ULK4: variants seen among roughly 807,000 people sequenced by gnomAD.
ULK4 encodes inactive serine/threonine-protein kinase ULK4.
A neutral mutation model predicts 160.6 loss-of-function variants in ULK4; 133 were observed. The observed-to-expected ratio is 0.83, with a 90% CI of 0.72 to 0.96. The LOEUF (loss-of-function observed/expected upper bound fraction) is 0.96, where lower values mean the gene tolerates loss of function less well. ULK4 is among the 40% of genes least tolerant of loss of function. ULK4 has a pLI of 0.00. For missense variants in ULK4, 1,580 were observed against 1,499.5 expected, an observed-to-expected ratio of 1.05 and a Z score of -0.89; for synonymous variants, 534 against 539.8, an observed-to-expected ratio of 0.99 and a Z score of 0.15.
chr3:41,672,985 A>G (rs1465407646), intron 29 of ULK4, among the ~76,000 whole-genome samples: 1 of 152,012 alleles, frequency 6.6e-6, no homozygotes, highest in Non-Finnish European at 1.5e-5. Flanking sequence ...CTACAGGCAC[A>G]CATCACCATG....
intron 21 of ULK4, among the ~76,000 whole-genome samples, chr3:41,782,144 T>C (rs569460727): frequency 4.0e-5 from 6 of 149,786 alleles, no homozygotes; most frequent in Non-Finnish European, 5.9e-5. Context: ...TTCATCTTCA[T>C]AGCGATTCTG....
At chr3:41,268,720 G>A (rs1442929218) in intron 35 of ULK4, among the ~76,000 whole-genome samples, 5 of 148,048 alleles carry the variant, frequency 3.4e-5, no homozygotes, top group Admixed American at 6.9e-5. Context: ...GCAGGAGAAC[G>A]CTTGAACCCG....
chr3:41,353,286 C>T (rs181658406), intron 35 of ULK4, among the ~76,000 whole-genome samples: 1 of 152,254 alleles, frequency 6.6e-6, no homozygotes, highest in East Asian at 1.9e-4. Flanking sequence ...CCAGATTAAT[C>T]TCTATTCAGA....
At chr3:41,623,088 T>C (rs1395974311) in intron 30 of ULK4, among the ~76,000 whole-genome samples, 1 of 152,216 alleles carries the variant, frequency 6.6e-6, no homozygotes, top group Non-Finnish European at 1.5e-5. Context: ...TACTATTTTA[T>C]TAGAATTTTG....
chr3:41,435,633 G>A (rs941683743), intron 34 of ULK4, among the ~76,000 whole-genome samples: 11 of 152,268 alleles, frequency 7.2e-5, no homozygotes, highest in Non-Finnish European at 8.8e-5. Flanking sequence ...AATGGAAAAT[G>A]CATGTAACCA....
At chr3:41,584,478 G>A (rs2030636857) in intron 31 of ULK4, among the ~76,000 whole-genome samples, 1 of 152,020 alleles carries the variant, frequency 6.6e-6, no homozygotes, top group Non-Finnish European at 1.5e-5. Context: ...TAGTAGAGAT[G>A]AGGTCTCACT....
At chr3:41,789,612 GAAGAA>G in intron 21 of ULK4, 44 bp downstream of exon 21, 1 of 1,473,170 alleles carries the variant, frequency 6.8e-7, no homozygotes, top group South Asian at 1.5e-5. Flanking sequence ...CTAAAATGCA[GAAGAA>G]AACAATTTTT....
intron 19 of ULK4, among the ~76,000 whole-genome samples, chr3:41,815,063 C>A (rs2040925445): frequency 6.6e-6 from 1 of 152,088 alleles, no homozygotes; most frequent in Admixed American, 6.6e-5. Context: ...CATGCACCAC[C>A]ACGCCCGACT....
At chr3:41,495,611 C>T (rs2125911666) in intron 32 of ULK4, among the ~76,000 whole-genome samples, 1 of 150,414 alleles carries the variant, frequency 6.6e-6, no homozygotes, top group African/African-American at 2.4e-5. Context: ...TTCTGCACAG[C>T]AAAAGAAACT....
intron 30 of ULK4, among the ~76,000 whole-genome samples, chr3:41,650,662 A>G (rs1488554528): frequency 1.3e-5 from 2 of 152,240 alleles, no homozygotes; most frequent in South Asian, 2.1e-4. Context: ...ATCCAGGCTG[A>G]TAACACAAGC....
intron 25 of ULK4, among the ~76,000 whole-genome samples, chr3:41,708,374 G>A (rs1256176344): frequency 6.6e-6 from 1 of 152,024 alleles, no homozygotes; most frequent in Non-Finnish European, 1.5e-5. Flanking sequence ...TGTCATTTGT[G>A]GCAACATGGA....
chr3:41,866,158 G>C (rs1282649775), intron 17 of ULK4, among the ~76,000 whole-genome samples: 3 of 152,196 alleles, frequency 2.0e-5, no homozygotes, highest in Admixed American at 2.0e-4. Context: ...TCCCTCAATT[G>C]AGTTGGTCCA....
At chr3:41,898,348 C>T (rs1009051498) in intron 14 of ULK4, 84 bp downstream of exon 14, 2 of 857,154 alleles carry the variant, frequency 2.3e-6, no homozygotes, top group African/African-American at 1.7e-5. Flanking sequence ...TAGTTATTCA[C>T]ATATATTCTA....
chr3:41,760,468 C>A (rs559197272), intron 21 of ULK4, among the ~76,000 whole-genome samples: 1 of 151,978 alleles, frequency 6.6e-6, no homozygotes, highest in South Asian at 2.1e-4. Flanking sequence ...AAATTGTACA[C>A]AAAAATAGCA....
At chr3:41,398,830 T>C (rs1322088934) in intron 34 of ULK4, among the ~76,000 whole-genome samples, 2 of 152,170 alleles carry the variant, frequency 1.3e-5, no homozygotes, top group African/African-American at 4.8e-5. Context: ...CACATAATTA[T>C]ACATTTTTAT....
rs578137053 is a variant in ULK4 at position 41,247,426 on chromosome 3, A to C, written c.3765-434T>G. Among the ~76,000 whole-genome samples the C allele has an allele frequency of 2.0e-5, 3 of 152,312 alleles. No homozygotes were observed. The South Asian group carries it at 6.2e-4, about 32-fold the overall frequency. ...AGCTTTCTTACTCTTATAGGTGTGG[A>C]TGTGCAATTAAGAGCTTAAAACGGG... On this transcript the variant is annotated intron_variant, in intron 36 of 36. Coordinates refer to ENST00000301831, the MANE Select transcript of ULK4 (RefSeq NM_017886.4).
At position 41,717,773 on chromosome 3, in the gene ULK4, C is replaced by T; in HGVS notation, c.2410G>A (p.Asp804Asn). Residue 804 changes from aspartate (D) to asparagine (N), a missense_variant, in exon 23 of 37, where the codon GAT (aspartate) becomes AAT (asparagine). By Grantham distance (23) the Asp-to-Asn change is conservative (BLOSUM62 1). Coordinates refer to ENST00000301831, the MANE Select transcript of ULK4 (RefSeq NM_017886.4). ...SGNEYLSKCL[D>N]LLICHIVQEL... is the part of the protein sequence containing the mutation. ...TGCACAATGTGACAGATGAGAAGAT[C>T]CAGGCATTTGGACAGGTATTCATTG... is the stretch of plus-strand genomic sequence containing the variant. The T allele has an allele frequency of 6.2e-7, 1 of 1,614,072 alleles. No individual in the cohort carries two copies. Among genetic ancestry groups the T allele is most frequent in the Non-Finnish European group, 8.5e-7 (1 of 1,179,972 alleles).
intron 31 of ULK4, among the ~76,000 whole-genome samples, chr3:41,614,374 C>CT (rs2032853393): frequency 6.6e-6 from 1 of 152,190 alleles, no homozygotes; most frequent in East Asian, 1.9e-4. Context: ...CAACAGTTTG[C>CT]TAGACCACTG....
In ULK4 at chr3:41,403,745, T is replaced by G. The variant is rs192749999; in HGVS notation, c.3493-5481A>C. ...ATAAGCTTTTGGTGTTGCAAATTTT[T>G]CTCTCAGGACAGCTTTTAGCTGTAG... is the stretch of plus-strand genomic sequence containing the variant. On this transcript the variant is annotated intron_variant, in intron 34 of 36. Coordinates refer to ENST00000301831, the MANE Select transcript of ULK4 (RefSeq NM_017886.4). Among the ~76,000 whole-genome samples the G allele has an allele frequency of 6.4e-3, 981 of 152,340 alleles. 11 individuals are homozygous for G. The highest frequency in any genetic ancestry group is 0.022 in the African/African-American group (908 of 41,586).
Sources: gnomAD v4.1 joint callset for allele counts (sites outside exome capture counted in the v4.1 genomes callset) on GRCh38, gnomAD v4.1.1 for gene constraint, MANE v1.5 for transcripts, NCBI Gene and HGNC (gene_info 2026-07-23, HGNC 2026-07-21) for gene names.